Variants in NKAIN2 observed in about 807,000 individuals in gnomAD.
NKAIN2 encodes sodium/potassium-transporting ATPase subunit beta-1-interacting protein 2.
A neutral mutation model predicts 32.6 loss-of-function variants in NKAIN2; 14 were observed. The ratio of observed to expected loss-of-function variants is 0.43; its 90% CI spans 0.28 to 0.67. NKAIN2 has a LOEUF of 0.67. NKAIN2 is among the 30% of genes least tolerant of loss of function. The pLI is 0.17. For synonymous variants in NKAIN2, 80 were observed against 87.2 expected, an observed-to-expected ratio of 0.92 and a Z score of 0.46; for missense variants, 198 against 258.3, an observed-to-expected ratio of 0.77 and a Z score of 1.60.
chr6:124,592,265 G>T (rs1252918322), intron 3 of NKAIN2, among the ~76,000 whole-genome samples: 1 of 152,134 alleles, frequency 6.6e-6, no homozygotes, highest in Non-Finnish European at 1.5e-5. Context: ...CTAGTTTTCA[G>T]AATTTTAGAT....
At chr6:124,333,453 AG>A (rs1423629033) in intron 2 of NKAIN2, among the ~76,000 whole-genome samples, 1 of 152,018 alleles carries the variant, frequency 6.6e-6, no homozygotes, top group African/African-American at 2.4e-5. Flanking sequence ...TGAGGTCAGG[AG>A]TTGGAGACCA....
intron 3 of NKAIN2, among the ~76,000 whole-genome samples, chr6:124,479,395 A>G (rs571153988): frequency 1.3e-5 from 2 of 152,290 alleles, no homozygotes; most frequent in South Asian, 4.1e-4. Flanking sequence ...CTTTTGGTAA[A>G]TGTCAAACAG....
chr6:124,066,268 T>C (rs1441800580), intron 1 of NKAIN2, among the ~76,000 whole-genome samples: 3 of 152,204 alleles, frequency 2.0e-5, no homozygotes, highest in South Asian at 2.1e-4. Context: ...AAATTATAGA[T>C]ATATTTTGAG....
At chr6:124,501,940 A>T (rs974435873) in intron 3 of NKAIN2, among the ~76,000 whole-genome samples, 14 of 152,038 alleles carry the variant, frequency 9.2e-5, no homozygotes, top group Non-Finnish European at 1.8e-4. Flanking sequence ...ATTTCCAATT[A>T]AAACAAATTA....
At chr6:124,161,746 G>A (rs1436295678) in intron 1 of NKAIN2, among the ~76,000 whole-genome samples, 1 of 152,048 alleles carries the variant, frequency 6.6e-6, no homozygotes, top group Non-Finnish European at 1.5e-5. Context: ...TAAACATTGA[G>A]TACTTGTAGA....
chr6:124,116,503 C>T (rs902541473), intron 1 of NKAIN2, among the ~76,000 whole-genome samples: 3 of 151,954 alleles, frequency 2.0e-5, no homozygotes, highest in African/African-American at 7.2e-5. Flanking sequence ...ATCTTGAATT[C>T]AAGATGTTTT....
chr6:124,436,241 A>T lies in NKAIN2; in HGVS notation c.273+80894A>T, dbSNP rs140894365. On this transcript the variant is annotated intron_variant, in intron 3 of 6. Coordinates refer to ENST00000368417, the MANE Select transcript of NKAIN2 (RefSeq NM_001040214.3). Reference sequence around the variant, plus strand: ...AAAATGTTATTCATTAAAACTAGCTAAAAAAGACCCTCTGTAGTATCAATT... The same window carrying T: ...AAAATGTTATTCATTAAAACTAGCTTAAAAAGACCCTCTGTAGTATCAATT... Among the ~76,000 whole-genome samples the T allele has an allele frequency of 2.7e-3, 404 of 152,280 alleles. 1 individual carries two copies. Among genetic ancestry groups the T allele is most frequent in the African/African-American group, 9.4e-3 (391 of 41,572 alleles).
chr6:124,146,172 A>G (rs958959804), intron 1 of NKAIN2, among the ~76,000 whole-genome samples: 4 of 152,220 alleles, frequency 2.6e-5, no homozygotes, highest in Non-Finnish European at 2.9e-5. Flanking sequence ...TCTCAATAAA[A>G]ATGCCAATTT....
intron 1 of NKAIN2, among the ~76,000 whole-genome samples, chr6:124,085,974 A>T (rs765234584): frequency 6.3e-4 from 96 of 151,978 alleles, no homozygotes; most frequent in Non-Finnish European, 1.1e-3. Flanking sequence ...ACTAAACAGT[A>T]TCAGTATCCT....
At chr6:124,756,239 A>G (rs560211469) in intron 4 of NKAIN2, among the ~76,000 whole-genome samples, 1 of 152,296 alleles carries the variant, frequency 6.6e-6, no homozygotes, top group South Asian at 2.1e-4. Context: ...GCCTTCCCAA[A>G]AAACTGGCTG....
intron 1 of NKAIN2, among the ~76,000 whole-genome samples, chr6:124,203,131 AT>A (rs1054375840): frequency 4.3e-4 from 65 of 151,938 alleles, no homozygotes; most frequent in African/African-American, 1.6e-3. Context: ...TCATTGAAAT[AT>A]TTTCCCCTAT....
intron 1 of NKAIN2, among the ~76,000 whole-genome samples, chr6:123,864,784 A>T (rs141567666): frequency 6.6e-6 from 1 of 152,224 alleles, no homozygotes. Flanking sequence ...TCACTATTCA[A>T]GTGTTCTATA....
chr6:123,906,826 C>T (rs1244914068), intron 1 of NKAIN2, among the ~76,000 whole-genome samples: 1 of 152,122 alleles, frequency 6.6e-6, no homozygotes, highest in Non-Finnish European at 1.5e-5. Context: ...TTATAAACAT[C>T]ATTCAGATTT....
Position 124,376,507 on chromosome 6 carries a change from A to G in NKAIN2, c.273+21160A>G, listed in dbSNP as rs986496556. On this transcript the variant is annotated intron_variant, in intron 3 of 6. Coordinates refer to ENST00000368417, the MANE Select transcript of NKAIN2 (RefSeq NM_001040214.3). ...AAAGCCTCCTGCAAGGAGAATTAGC[A>G]TTGAGTGTATGCAATATGTATTTTC... Among the ~76,000 whole-genome samples the G allele has an allele frequency of 2.6e-5, 4 of 152,296 alleles. No individual in the cohort carries two copies. In the East Asian group the frequency reaches 5.8e-4, roughly 22 times the overall value.
chr6:123,885,355 C>G (rs1418811500), intron 1 of NKAIN2, among the ~76,000 whole-genome samples: 1 of 152,076 alleles, frequency 6.6e-6, no homozygotes, highest in African/African-American at 2.4e-5. Context: ...TGATCTTTAT[C>G]TCTTATCAGT....
At chr6:124,654,286 T>C (rs536433719) in intron 3 of NKAIN2, among the ~76,000 whole-genome samples, 90 of 152,220 alleles carry the variant, frequency 5.9e-4, no homozygotes, top group Non-Finnish European at 1.2e-3. Context: ...AATGTAATTA[T>C]TTAAAATATA....
chr6:124,160,622 T>A (rs1383448255), intron 1 of NKAIN2, among the ~76,000 whole-genome samples: 1 of 152,168 alleles, frequency 6.6e-6, no homozygotes, highest in Admixed American at 6.6e-5. Flanking sequence ...CATGAAAGGT[T>A]GGTTTAACAG....
intron 2 of NKAIN2, among the ~76,000 whole-genome samples, chr6:124,313,555 T>C (rs947256369): frequency 6.6e-6 from 1 of 152,146 alleles, no homozygotes; most frequent in African/African-American, 2.4e-5. Flanking sequence ...ATGCTTTCAC[T>C]ACACTTCTGC....
chr6:124,197,322 A>T (rs1790362553), intron 1 of NKAIN2, among the ~76,000 whole-genome samples: 1 of 149,686 alleles, frequency 6.7e-6, no homozygotes, highest in African/African-American at 2.5e-5. Context: ...TTTTCCTCCC[A>T]CTTTCCACCC....
Sources: gnomAD v4.1 joint callset for allele counts (sites outside exome capture counted in the v4.1 genomes callset) on GRCh38, gnomAD v4.1.1 for gene constraint, MANE v1.5 for transcripts, NCBI Gene and HGNC (gene_info 2026-07-23, HGNC 2026-07-21) for gene names.